The following FLI1 variants were observed in gnomAD, a reference collection of about 807,000 sequenced individuals.
The protein encoded by FLI1 is Friend leukemia integration 1 transcription factor.
FLI1 carries 13 observed loss-of-function variants against 53.1 expected under a neutral mutation model. The observed-to-expected ratio is 0.24, with a 90% CI of 0.16 to 0.39. The LOEUF (loss-of-function observed/expected upper bound fraction) is 0.39, where lower values mean the gene tolerates loss of function less well. FLI1 is among the 10% of genes least tolerant of loss of function. FLI1 has a pLI of 1.00. For missense variants in FLI1, 424 were observed against 600.5 expected, an observed-to-expected ratio of 0.71 and a Z score of 3.07; for synonymous variants, 244 against 236.7, an observed-to-expected ratio of 1.03 and a Z score of -0.28.
intron 5 of FLI1, chr11:128,804,398 CT>C (rs1423756431): frequency 6.6e-6 from 1 of 152,316 alleles, no homozygotes; most frequent in African/African-American, 2.4e-5. Flanking sequence ...TGCTCAATGT[CT>C]CAATGGGACT....
chr11:128,744,735 C>A (rs149669784), intron 1 of FLI1, among the ~76,000 whole-genome samples: 12 of 152,302 alleles, frequency 7.9e-5, no homozygotes, highest in African/African-American at 2.4e-4. Context: ...AGAACCAATT[C>A]ACTCAGCTAG....
At chr11:128,745,799 C>G (rs1376207609) in intron 1 of FLI1, among the ~76,000 whole-genome samples, 1 of 152,318 alleles carries the variant, frequency 6.6e-6, no homozygotes, top group East Asian at 1.9e-4. Context: ...GCCTTCGTCC[C>G]CCTGCCAGGC....
chr11:128,798,426 G>A (rs1014791555), intron 5 of FLI1, among the ~76,000 whole-genome samples: 1 of 152,320 alleles, frequency 6.6e-6, no homozygotes, highest in Middle Eastern at 3.4e-3. Flanking sequence ...GCAAGGCTGT[G>A]CCCAGAGAAT....
intron 4 of FLI1, among the ~76,000 whole-genome samples, chr11:128,779,365 G>A (rs7112971): frequency 0.019 from 2,839 of 152,248 alleles, 88 homozygotes; most frequent in African/African-American, 0.064. Context: ...GGATTTTTTT[G>A]TATTCCCTCC....
intron 1 of FLI1, among the ~76,000 whole-genome samples, chr11:128,740,878 G>A (rs1940104453): frequency 6.6e-6 from 1 of 152,200 alleles, no homozygotes; most frequent in Non-Finnish European, 1.5e-5. Context: ...ATGGGGACTA[G>A]GTGAACAGAA....
At chr11:128,763,545 G>A (rs1180569297) in intron 2 of FLI1, among the ~76,000 whole-genome samples, 3 of 152,248 alleles carry the variant, frequency 2.0e-5, no homozygotes, top group Non-Finnish European at 2.9e-5. Flanking sequence ...TGGTATTCAG[G>A]ACCAGAGTTC....
exon 1 of FLI1, chr11:128,686,599 G>T (rs1865808133): frequency 2.5e-6 from 1 of 397,808 alleles, no homozygotes; most frequent in Non-Finnish European, 5.1e-6. Context: ...CTCCACTCGC[G>T]GGTAACCGAG....
chr11:128,714,614 A>C (rs1410848591), intron 1 of FLI1, among the ~76,000 whole-genome samples: 2 of 151,824 alleles, frequency 1.3e-5, no homozygotes, highest in Admixed American at 6.6e-5. Flanking sequence ...CTTTGGCAGG[A>C]GATATCAGTA....
intron 5 of FLI1, among the ~76,000 whole-genome samples, chr11:128,797,435 T>C (rs183763023): frequency 9.8e-5 from 15 of 152,372 alleles, no homozygotes; most frequent in African/African-American, 3.6e-4. Flanking sequence ...ATTATGGAAC[T>C]ATGTAGAGCT....
At chr11:128,685,520 C>G (rs140141446), upstream of FLI1, among the ~76,000 whole-genome samples, 22 of 151,624 alleles carry the variant, frequency 1.5e-4, no homozygotes, top group East Asian at 4.3e-3. Context: ...TCCTTCTTTC[C>G]TCTCTGTTTT....
At chr11:128,751,791 G>C (rs1292728577) in intron 1 of FLI1, among the ~76,000 whole-genome samples, 2 of 149,030 alleles carry the variant, frequency 1.3e-5, no homozygotes, top group African/African-American at 4.9e-5. Flanking sequence ...GCCTCCCAAA[G>C]TGCTGGGATT....
chr11:128,714,221 A>C (rs975363961), intron 1 of FLI1, among the ~76,000 whole-genome samples: 24 of 152,038 alleles, frequency 1.6e-4, no homozygotes, highest in Admixed American at 3.9e-4. Context: ...AAAAAAAAAA[A>C]AAAAACGGCA....
chr11:128,711,756 A>C (rs1278051506), intron 1 of FLI1, among the ~76,000 whole-genome samples: 3 of 152,352 alleles, frequency 2.0e-5, no homozygotes, highest in Non-Finnish European at 1.5e-5. Flanking sequence ...TGCCACCATG[A>C]AAATATGATT....
At chr11:128,808,593 G>A (rs1034004335) in intron 7 of FLI1, among the ~76,000 whole-genome samples, 1 of 152,180 alleles carries the variant, frequency 6.6e-6, no homozygotes, top group Non-Finnish European at 1.5e-5. Context: ...GAGGAATCCA[G>A]TAGCCCAACC....
At chr11:128,794,152 G>C (rs1009554536) in intron 5 of FLI1, among the ~76,000 whole-genome samples, 4 of 152,224 alleles carry the variant, frequency 2.6e-5, no homozygotes, top group African/African-American at 4.8e-5. Context: ...GAGGACTGCA[G>C]ATGCAGTTGG....
chr11:128,802,881 T>C (rs75660467), intron 5 of FLI1, among the ~76,000 whole-genome samples: 2 of 152,314 alleles, frequency 1.3e-5, no homozygotes, highest in East Asian at 3.9e-4. Flanking sequence ...GCCTGCTCTG[T>C]CCCTGGAACT....
intron 2 of FLI1, 57 bp from the exon 3 acceptor site, chr11:128,768,061 A>G (rs1941411344): frequency 6.7e-7 from 1 of 1,495,438 alleles, no homozygotes; most frequent in African/African-American, 1.4e-5. Context: ...TCAGAGGCTG[A>G]GGCAAGCTGC....
chr11:128,763,064 T>G (rs1051647819), intron 2 of FLI1, among the ~76,000 whole-genome samples: 2 of 152,232 alleles, frequency 1.3e-5, no homozygotes, highest in Non-Finnish European at 2.9e-5. Flanking sequence ...CAGTGCATTT[T>G]TTCTGCATTC....
intron 1 of FLI1, among the ~76,000 whole-genome samples, chr11:128,695,256 C>T (rs2135688987): frequency 6.6e-6 from 1 of 152,386 alleles, no homozygotes; most frequent in African/African-American, 2.4e-5. Flanking sequence ...AAGTTGACTG[C>T]TGTCTCTGAA....
Sources: gnomAD v4.1 joint callset for allele counts (sites outside exome capture counted in the v4.1 genomes callset) on GRCh38, gnomAD v4.1.1 for gene constraint, MANE v1.5 for transcripts, NCBI Gene and HGNC (gene_info 2026-07-23, HGNC 2026-07-21) for gene names.